The following NOL8 variants were observed in gnomAD, a reference collection of about 807,000 sequenced individuals.
The protein encoded by NOL8 is nucleolar protein Nop132.
Under a neutral mutation model 116.1 loss-of-function variants are expected in NOL8, and 93 were observed. The ratio of observed to expected loss-of-function variants is 0.80; its 90% confidence interval spans 0.68 to 0.95. The LOEUF (loss-of-function observed/expected upper bound fraction) is 0.95, where lower values mean the gene tolerates loss of function less well. Among genes scored for constraint, NOL8 ranks in the 40% least tolerant of loss-of-function variants. The pLI, the probability that NOL8 is intolerant of heterozygous loss-of-function variation, is 0.00. For missense variants in NOL8, 1,291 were observed against 1,382.8 expected, an observed-to-expected ratio of 0.93 and a Z score of 1.05; for synonymous variants, 419 against 469.0, an observed-to-expected ratio of 0.89 and a Z score of 1.38.
At position 92,297,763 on chromosome 9, in the gene NOL8, TA is replaced by T; in HGVS notation, c.*72del. ...ACTCTGAAATTTCTTCTTTGTCAGCTAAAACTGTTTTCTGGGTCAGTTTCCT... is the reference window on the plus strand; with the variant it reads ...ACTCTGAAATTTCTTCTTTGTCAGCTAAACTGTTTTCTGGGTCAGTTTCCT... On this transcript the variant is annotated 3_prime_UTR_variant, in exon 17 of 17. Transcript: ENST00000442668. The T allele has an allele frequency of 8.7e-7, 1 of 1,144,672 alleles. No homozygotes were observed. The highest frequency in any genetic ancestry group is 1.2e-6 in the Non-Finnish European group (1 of 816,712). The allele number at this position is 1,144,672 out of a possible 1,614,324, so 70.9% of individuals were successfully genotyped here.
chr9:92,298,851 A>G (rs41276843), intron 15 of NOL8, 33 bp downstream of exon 15: 43 of 1,267,962 alleles, frequency 3.4e-5, no homozygotes, highest in Admixed American at 2.1e-4. Context: ...TACCTGTTCT[A>G]TGTATGTAAT....
At chr9:92,319,569 G>A (rs1405200427) in intron 4 of NOL8, among the ~76,000 whole-genome samples, 7 of 152,054 alleles carry the variant, frequency 4.6e-5, no homozygotes, top group Non-Finnish European at 8.8e-5. Flanking sequence ...AGACAGAACC[G>A]TTAAGAAAAC....
intron 7 of NOL8, among the ~76,000 whole-genome samples, chr9:92,313,761 T>C (rs1839078701): frequency 6.6e-6 from 1 of 152,100 alleles, no homozygotes; most frequent in Non-Finnish European, 1.5e-5. Flanking sequence ...CTACAGAAGC[T>C]CCCAACTGAC....
At position 92,310,235 on chromosome 9, in the gene NOL8, G is replaced by A; in HGVS notation, c.2622C>T (p.Gly874=). 3 of 1,609,276 alleles carry A rather than the reference G, an allele frequency of 1.9e-6. No individual in the cohort carries two copies. Among genetic ancestry groups the A allele is most frequent in the Non-Finnish European group, 2.5e-6 (3 of 1,177,864 alleles). Residue 874 remains glycine, a synonymous_variant, in exon 10 of 17, where the codon GGC becomes GGT. Coordinates refer to ENST00000442668, the MANE Select transcript of NOL8 (RefSeq NM_017948.6). ...QKLMDLQSHF[G]TDDRFRMDSR... is the part of the protein sequence containing the mutation. ...AGTCCATGCGGAATCTGTCATCGGTGCCAAAGTGCGACTGTAAATCCATGA... is the reference window on the plus strand; with the variant it reads ...AGTCCATGCGGAATCTGTCATCGGTACCAAAGTGCGACTGTAAATCCATGA...
intron 3 of NOL8, chr9:92,323,236 C>G (rs960872918): frequency 3.3e-5 from 47 of 1,413,212 alleles, no homozygotes; most frequent in Middle Eastern, 1.8e-4. Context: ...GTAAACCCAC[C>G]AGTAAAGTGC....
rs56332087 is a variant in NOL8 at position 92,323,508 on chromosome 9, A to AAAAC, written c.140-9_140-6dup. 0.032 allele frequency: 50,843 copies of AAAAC among 1,592,900 alleles called. 1,042 individuals are homozygous for AAAAC. The highest frequency in any genetic ancestry group is 0.036 in the Non-Finnish European group (42,223 of 1,169,442). ...CAAAAACTTTCTGTGGGTTTCCTAA[A>AAAAC]AAACAAACAAACAAACAAACAAAAC... On this transcript the variant is annotated splice_region_variant and splice_polypyrimidine_tract_variant and intron_variant, in intron 2 of 16. Transcript: ENST00000442668.
In NOL8 at chr9:92,321,665, T is replaced by G; in HGVS notation, c.281+3A>C. 1 of 1,520,586 alleles carries G rather than the reference T, an allele frequency of 6.6e-7. No individual in the cohort carries two copies. Among genetic ancestry groups the G allele is most frequent in the Non-Finnish European group, 8.8e-7 (1 of 1,135,048 alleles). The allele number at this position is 1,520,586 out of a possible 1,614,324, so 94.2% of individuals were successfully genotyped here. A position where few individuals can be genotyped will look rare whatever the true frequency, so the allele number is the denominator to read the frequency against. ...GCTTAAATCCATGTGGAGCAAAACT[T>G]ACCTGTGCAGAAAGCTTTCTTTTGC... On this transcript the variant is annotated splice_donor_region_variant and intron_variant, in intron 4 of 16. Transcript: ENST00000442668.
rs1421767929 is a variant in NOL8 at position 92,314,760 on chromosome 9, C to T, written c.1865G>A (p.Gly622Asp). 1 of 1,613,832 alleles carries T rather than the reference C, an allele frequency of 6.2e-7. No homozygotes were observed. The highest frequency in any genetic ancestry group is 8.5e-7 in the Non-Finnish European group (1 of 1,179,858). ...GCATGGAGTCACTTCACCTAATGAG[C>T]CATTAACATATGGGGACCCATCTTC... is the stretch of plus-strand genomic sequence containing the variant. ...SMEDGSPYVN[G>D]SLGEVTPCQH... Residue 622 changes from glycine to aspartate, a missense_variant, in exon 7 of 17, where the codon GGC (glycine) becomes GAC (aspartate). By Grantham distance (94) the Gly-to-Asp change is moderately conservative. Transcript: ENST00000442668.
intron 2 of NOL8, 30 bp downstream of exon 2, chr9:92,323,993 A>T: frequency 6.2e-7 from 1 of 1,611,532 alleles, no homozygotes; most frequent in South Asian, 1.1e-5. Context: ...ATGTCTGCCT[A>T]TAACTGCCCA....
rs372485911 is a variant in NOL8 at position 92,297,712 on chromosome 9, G to A, written c.*124C>T. The A allele has an allele frequency of 5.1e-5, 35 of 684,078 alleles. No homozygotes were observed. The highest frequency in any genetic ancestry group is 4.7e-4 in the East Asian group (16 of 34,058). The allele number at this position is 684,078 out of a possible 1,614,324, so 42.4% of individuals were successfully genotyped here. On this transcript the variant is annotated 3_prime_UTR_variant, in exon 17 of 17. Transcript: ENST00000442668. ...AAGATGGCAACCAGAATGATATTCC[G>A]TCAGCCAGATTTTTAAAATTCCTTC...
chr9:92,319,924 C>T (rs1030637393), intron 4 of NOL8: 1 of 385,196 alleles, frequency 2.6e-6, no homozygotes, highest in Non-Finnish European at 5.1e-6. Context: ...TCCCAAATCC[C>T]TGACATGCAC....
intron 7 of NOL8, among the ~76,000 whole-genome samples, 155 bp from the exon 8 acceptor site, chr9:92,311,414 C>A (rs1838783205): frequency 6.6e-6 from 1 of 152,160 alleles, no homozygotes; most frequent in Non-Finnish European, 1.5e-5. Flanking sequence ...AGTAAACAGA[C>A]AACGTACAGA....
chr9:92,320,339 G>A (rs1201840433), intron 4 of NOL8: 1 of 369,832 alleles, frequency 2.7e-6, no homozygotes, highest in East Asian at 7.3e-5. Flanking sequence ...AACCTGCTCA[G>A]CATGGGGCTC....
chr9:92,312,827 CAAAAAAAAAAA>C (rs35089570), intron 7 of NOL8, among the ~76,000 whole-genome samples: 4 of 55,464 alleles, frequency 7.2e-5, no homozygotes, highest in Non-Finnish European at 1.4e-4. Flanking sequence ...AACTCCATCT[CAAAAAAAAAAA>C]AAAAAAAAAA....
intron 10 of NOL8, among the ~76,000 whole-genome samples, chr9:92,307,352 A>G (rs1428184242): frequency 6.6e-6 from 1 of 152,126 alleles, no homozygotes; most frequent in African/African-American, 2.4e-5. Flanking sequence ...CAGTGATTAT[A>G]GACTCTTTGA....
Position 92,314,718 on chromosome 9 carries a change from G to A in NOL8, c.1907C>T (p.Ala636Val), listed in dbSNP as rs199903203. ...EVTPCQHAKKANGPNYIQPQK... is the reference protein window; with the variant it reads ...EVTPCQHAKKVNGPNYIQPQK... ...AGGCTGAATATAGTTTGGGCCATTC[G>A]CCTTCTTTGCATGTTGGCATGGAGT... Residue 636 changes from alanine to valine, a missense_variant, in exon 7 of 17, where the codon GCG (alanine) becomes GTG (valine). Transcript: ENST00000442668. 370 of 1,613,638 alleles carry A rather than the reference G, an allele frequency of 2.3e-4. 2 individuals carry two copies. In the African/African-American group the frequency reaches 3.8e-3, roughly 17 times the overall value.
In NOL8 at chr9:92,311,140, TC is replaced by T; in HGVS notation, c.2472+5del. 12 of 1,603,622 alleles carry T rather than the reference TC, an allele frequency of 7.5e-6. No individual in the cohort carries two copies. Among genetic ancestry groups the T allele is most frequent in the Non-Finnish European group, 1.0e-5 (12 of 1,170,878 alleles). On this transcript the variant is annotated splice_donor_5th_base_variant and intron_variant, in intron 8 of 16. Transcript: ENST00000442668. ...AATGTCCACAGAGACATCCTGAACT[TC>T]TTACTTTCACCCATTCCTCTCCTGG...
chr9:92,298,242 G>T lies in NOL8; in HGVS notation c.3453+15C>A. 2 of 1,579,676 alleles carry T rather than the reference G, an allele frequency of 1.3e-6. No individual in the cohort carries two copies. On this transcript the variant is annotated intron_variant, in intron 16 of 16. Coordinates refer to ENST00000442668, the MANE Select transcript of NOL8 (RefSeq NM_017948.6). ...TGTCTATTTTAGGAAATAATATGGAGAAACAATTACTCACCATACGCAGGT... is the reference window on the plus strand; with the variant it reads ...TGTCTATTTTAGGAAATAATATGGATAAACAATTACTCACCATACGCAGGT...
intron 4 of NOL8, among the ~76,000 whole-genome samples, chr9:92,320,663 A>G (rs977160189): frequency 5.3e-5 from 8 of 151,172 alleles, no homozygotes; most frequent in African/African-American, 1.7e-4. Context: ...CTGGAGTGCA[A>G]TGGCACAATG....
Sources: gnomAD v4.1 joint callset for allele counts (sites outside exome capture counted in the v4.1 genomes callset) on GRCh38, gnomAD v4.1.1 for gene constraint, MANE v1.5 for transcripts, NCBI Gene and HGNC (gene_info 2026-07-23, HGNC 2026-07-21) for gene names.